Variants in H4C15 observed in about 807,000 individuals in gnomAD.
The protein encoded by H4C15 is H4 clustered histone 15, also known as histone H4.
the H4C15 span, chr1:149,846,454 G>A: frequency 6.6e-6 from 1 of 152,126 alleles, no homozygotes; most frequent in Non-Finnish European, 1.5e-5. Context: ...TAATTTTACT[G>A]TAAAAATAAA....
chr1:149,855,734 T>TTG (rs1177085725), downstream of H4C15, among the ~76,000 whole-genome samples: 239 of 24,038 alleles, frequency 9.9e-3, 21 homozygotes, highest in East Asian at 0.06. Flanking sequence ...TCTACACATT[T>TTG]TGTGTGTGTG....
At chr1:149,850,344 G>A (rs782183237), downstream of H4C15, 79 of 955,984 alleles carry the variant, frequency 8.3e-5, 2 homozygotes, top group South Asian at 1.1e-3. Flanking sequence ...CCGGCGACCC[G>A]CGGAGGGAGG....
At chr1:149,849,250 T>C (rs587731717), downstream of H4C15, among the ~76,000 whole-genome samples, 14 of 152,372 alleles carry the variant, frequency 9.2e-5, no homozygotes, top group Admixed American at 5.2e-4. Flanking sequence ...TTTCACACTT[T>C]AGCATATATC....
chr1:149,850,440 A>G, downstream of H4C15: 1 of 1,183,248 alleles, frequency 8.5e-7, no homozygotes, highest in South Asian at 1.3e-5. Flanking sequence ...GCCCTCGGAC[A>G]CGGCGTGCTT....
chr1:149,847,506 C>T, the H4C15 span: 1 of 152,174 alleles, frequency 6.6e-6, no homozygotes, highest in African/African-American at 2.4e-5. Context: ...GACTGATACC[C>T]TTATAAGAAG....
the H4C15 span, chr1:149,846,044 T>C: frequency 6.6e-6 from 1 of 152,040 alleles, no homozygotes; most frequent in Admixed American, 6.6e-5. Context: ...GGGGGTTAGG[T>C]TTGTAAGATC....
chr1:149,849,361 G>C (rs2092159836), downstream of H4C15, among the ~76,000 whole-genome samples: 1 of 152,180 alleles, frequency 6.6e-6, no homozygotes, highest in Non-Finnish European at 1.5e-5. Flanking sequence ...GAGACTTTAA[G>C]TCTTAATCAC....
chr1:149,849,945 A>T (rs1310206605), downstream of H4C15, among the ~76,000 whole-genome samples: 1 of 152,228 alleles, frequency 6.6e-6, no homozygotes, highest in Non-Finnish European at 1.5e-5. Context: ...TCATTTTACC[A>T]CTGAAGAGCG....
chr1:149,850,127 A>G (rs1490415689), downstream of H4C15: 2 of 527,080 alleles, frequency 3.8e-6, no homozygotes, highest in Non-Finnish European at 6.9e-6. Context: ...TCTATGCCAT[A>G]GTAAGATACC....
the H4C15 span, chr1:149,847,398 C>T: frequency 2.0e-5 from 3 of 152,206 alleles, no homozygotes; most frequent in Non-Finnish European, 4.4e-5. Flanking sequence ...TGAAGTCTAA[C>T]CCCTAGTTGC....
the H4C15 span, chr1:149,847,890 AGT>A: frequency 6.6e-6 from 1 of 152,206 alleles, no homozygotes; most frequent in African/African-American, 2.4e-5. Flanking sequence ...CCAAAGAACA[AGT>A]GGGGCTACCA....
At chr1:149,846,169 C>T in the H4C15 span, 2 of 152,190 alleles carry the variant, frequency 1.3e-5, no homozygotes, top group Non-Finnish European at 2.9e-5. Context: ...TCCCCCCCGC[C>T]AGGACTGCCT....
At chr1:149,850,088 A>G (rs1366351744), downstream of H4C15, 2 of 445,736 alleles carry the variant, frequency 4.5e-6, no homozygotes, top group Admixed American at 3.5e-5. Context: ...ACAGTTCAAG[A>G]GCAGCCCTCT....
the H4C15 span, chr1:149,845,742 G>A: frequency 6.6e-6 from 1 of 152,248 alleles, no homozygotes; most frequent in Non-Finnish European, 1.5e-5. Flanking sequence ...TGGAGAATGT[G>A]ACTGGAGAGG....
At chr1:149,848,972 T>C in the H4C15 span, 2 of 152,226 alleles carry the variant, frequency 1.3e-5, no homozygotes, top group Non-Finnish European at 2.9e-5. Context: ...AACTGTCAAC[T>C]GCACATATCC....
chr1:149,849,116 A>T (rs1468437804), downstream of H4C15: 1 of 152,228 alleles, frequency 6.6e-6, no homozygotes. Flanking sequence ...CCAAAAATCT[A>T]GGGGTTTCAC....
chr1:149,858,595 C>G (rs1281661369), downstream of H4C15, among the ~76,000 whole-genome samples: 1 of 38,670 alleles, frequency 2.6e-5, no homozygotes, highest in East Asian at 5.2e-4. Flanking sequence ...GACTCCATCT[C>G]AAAAAAAGAA....
chr1:149,848,688 A>G, the H4C15 span: 4 of 152,360 alleles, frequency 2.6e-5, no homozygotes, highest in African/African-American at 7.2e-5. Context: ...AATCAGGCCA[A>G]CCCTAAGAAC....
downstream of H4C15, chr1:149,850,087 G>C: frequency 4.5e-6 from 2 of 444,444 alleles, no homozygotes; most frequent in East Asian, 9.6e-5. Context: ...GACAGTTCAA[G>C]AGCAGCCCTC....
Sources: allele counts gnomAD v4.1 joint callset (sites outside exome capture counted in the v4.1 genomes callset), GRCh38; gene constraint gnomAD v4.1.1; transcripts MANE v1.5; gene names NCBI Gene and HGNC (gene_info 2026-07-23, HGNC 2026-07-21).